Variants in CDK13 observed in about 807,000 individuals in gnomAD.
The protein encoded by CDK13 is cyclin-dependent kinase 13.
In CDK13, 40 loss-of-function variants were observed where a neutral mutation model predicts 137.6. The observed-to-expected ratio is 0.29, with a 90% CI of 0.23 to 0.38. The LOEUF is 0.38. Ranked by LOEUF, CDK13 falls within the 10% of genes least tolerant of loss-of-function variation. CDK13 has a pLI of 1.00. For missense variants in CDK13, 1,704 were observed against 1,951.8 expected (o/e 0.87, Z 2.39); for synonymous variants, 869 against 760.1 (o/e 1.14, Z -2.36).
chr7:40,021,110 T>TACACAC (rs1284247106), intron 5 of CDK13, among the ~76,000 whole-genome samples: 948 of 81,848 alleles, frequency 0.012, 10 homozygotes, highest in East Asian at 0.089. Context: ...AACGTATATA[T>TACACAC]ATATATATAT....
chr7:40,014,010 T>A (rs955740767), intron 5 of CDK13, among the ~76,000 whole-genome samples: 7 of 151,562 alleles, frequency 4.6e-5, no homozygotes, highest in Admixed American at 3.9e-4. Context: ...CCAGCATTTA[T>A]AGTAATTTTA....
At chr7:40,013,903 A>G (rs1784948795) in intron 5 of CDK13, among the ~76,000 whole-genome samples, 1 of 152,088 alleles carries the variant, frequency 6.6e-6, no homozygotes, top group Admixed American at 6.6e-5. Flanking sequence ...TGAGACTGTA[A>G]AGGTGCTAGA....
chr7:40,045,333 A>T (rs1785710552), intron 5 of CDK13, among the ~76,000 whole-genome samples: 1 of 151,912 alleles, frequency 6.6e-6, no homozygotes, highest in East Asian at 1.9e-4. Flanking sequence ...TTTTCCTCAA[A>T]TTCTTGCTTT....
At chr7:39,980,757 A>C (rs184324960) in intron 1 of CDK13, among the ~76,000 whole-genome samples, 1 of 152,344 alleles carries the variant, frequency 6.6e-6, no homozygotes, top group East Asian at 1.9e-4. Flanking sequence ...TTTAGGACAC[A>C]GTATTTGCTA....
At chr7:40,025,044 T>C (rs1221846230) in intron 5 of CDK13, among the ~76,000 whole-genome samples, 1 of 152,182 alleles carries the variant, frequency 6.6e-6, no homozygotes, top group Non-Finnish European at 1.5e-5. Flanking sequence ...TTCAGATAGC[T>C]ACAGCTATTC....
chr7:40,033,297 C>T (rs1220196714), intron 5 of CDK13, among the ~76,000 whole-genome samples: 1 of 152,092 alleles, frequency 6.6e-6, no homozygotes. Flanking sequence ...TTCCATTTCT[C>T]TGCTTTTGCA....
At chr7:40,085,054 A>G (rs1410697170) in intron 11 of CDK13, among the ~76,000 whole-genome samples, 1 of 152,186 alleles carries the variant, frequency 6.6e-6, no homozygotes, top group Non-Finnish European at 1.5e-5. Flanking sequence ...AAGATCATCC[A>G]TAAAGAATCT....
intron 5 of CDK13, among the ~76,000 whole-genome samples, chr7:40,042,865 ACT>A (rs1785644019): frequency 6.7e-6 from 1 of 150,024 alleles, no homozygotes; most frequent in Non-Finnish European, 1.5e-5. Flanking sequence ...CAGTCTCCAA[ACT>A]CTGGGGCTCA....
chr7:40,075,313 G>C (rs544700651), intron 9 of CDK13, among the ~76,000 whole-genome samples: 1 of 152,250 alleles, frequency 6.6e-6, no homozygotes, highest in South Asian at 2.1e-4. Flanking sequence ...GCAGTTATCA[G>C]TTGCTGTCAT....
chr7:40,080,729 G>A (rs1463828357), intron 11 of CDK13, among the ~76,000 whole-genome samples: 1 of 152,140 alleles, frequency 6.6e-6, no homozygotes, highest in Admixed American at 6.5e-5. Context: ...AGGAAGAATA[G>A]TACAAAGAGT....
At chr7:40,077,868 G>A (rs1786580199) in intron 9 of CDK13, 137 bp from the exon 10 acceptor site, 2 of 510,722 alleles carry the variant, frequency 3.9e-6, no homozygotes, top group Non-Finnish European at 7.0e-6. Context: ...AAAAAAGAAA[G>A]AATAAAATAA....
At chr7:40,033,482 C>T (rs976738310) in intron 5 of CDK13, among the ~76,000 whole-genome samples, 2 of 152,074 alleles carry the variant, frequency 1.3e-5, no homozygotes, top group Non-Finnish European at 2.9e-5. Flanking sequence ...AGAGATAGTA[C>T]GTGGTGTAGA....
intron 5 of CDK13, among the ~76,000 whole-genome samples, chr7:40,006,788 T>C (rs1784803933): frequency 1.3e-5 from 2 of 152,116 alleles, no homozygotes; most frequent in Non-Finnish European, 2.9e-5. Context: ...TCTCAAATTA[T>C]CTTGCTAGAG....
intron 2 of CDK13, among the ~76,000 whole-genome samples, chr7:39,988,984 T>G (rs1335095779): frequency 6.9e-6 from 1 of 145,732 alleles, no homozygotes; most frequent in Non-Finnish European, 1.5e-5. Flanking sequence ...CTAGGGAGGC[T>G]GAGGCAGGAG....
chr7:39,983,118 G>A (rs1784264409), intron 1 of CDK13, among the ~76,000 whole-genome samples: 2 of 152,164 alleles, frequency 1.3e-5, no homozygotes, highest in Non-Finnish European at 2.9e-5. Flanking sequence ...GAATGGTAAT[G>A]CCTAGGTTTT....
intron 1 of CDK13, chr7:39,952,054 C>T (rs1243401685): frequency 4.7e-6 from 2 of 422,340 alleles, no homozygotes; most frequent in Admixed American, 4.4e-5. Context: ...AGCAACTGGG[C>T]GAAGGGAACT....
At position 39,950,776 on chromosome 7, in the gene CDK13, G is replaced by GCCGCAGCTCCTGCAA; in HGVS notation, c.140_154dup (p.Gln47_Pro51dup). 2 of 1,474,652 alleles carry GCCGCAGCTCCTGCAA rather than the reference G, an allele frequency of 1.4e-6. No homozygotes were observed. Among genetic ancestry groups the GCCGCAGCTCCTGCAA allele is most frequent in the Non-Finnish European group, 1.8e-6 (2 of 1,120,442 alleles). 91.3% of individuals were successfully genotyped at this position (1,474,652 alleles called of 1,614,324 possible). A position where few individuals can be genotyped will look rare whatever the true frequency, so the allele number is the denominator to read the frequency against. On this transcript the variant is annotated inframe_insertion, in exon 1 of 14. Transcript: ENST00000181839. Reference sequence around the variant, plus strand: ...CGCCGCTGCTGTTGCCGCTCCTGCAGCCGCAGCTCCTGCAACCGCCGCCGC... The same window carrying GCCGCAGCTCCTGCAA: ...CGCCGCTGCTGTTGCCGCTCCTGCAGCCGCAGCTCCTGCAACCGCAGCTCCTGCAACCGCCGCCGC...
chr7:40,018,626 G>A (rs2103058), intron 5 of CDK13, among the ~76,000 whole-genome samples: 14,346 of 152,186 alleles, frequency 0.094, 867 homozygotes, highest in East Asian at 0.18. Flanking sequence ...GGAACTGGAG[G>A]CCATTATTCT....
intron 1 of CDK13, among the ~76,000 whole-genome samples, chr7:39,974,158 A>T (rs116969468): frequency 0.016 from 2,420 of 152,302 alleles, 37 homozygotes; most frequent in Middle Eastern, 0.044. Context: ...GATTTTAAAA[A>T]TTTTTTGTTT....
Sources: gnomAD v4.1 joint callset for allele counts (sites outside exome capture counted in the v4.1 genomes callset) on GRCh38, gnomAD v4.1.1 for gene constraint, MANE v1.5 for transcripts, NCBI Gene and HGNC (gene_info 2026-07-23, HGNC 2026-07-21) for gene names.